PCDHA6: variants seen among roughly 807,000 people sequenced by gnomAD.
PCDHA6 encodes the protein protocadherin alpha 6.
A neutral mutation model predicts 60.3 loss-of-function variants in PCDHA6; 55 were observed. The ratio of observed to expected loss-of-function variants is 0.91; its 90% confidence interval spans 0.73 to 1.14. The LOEUF is 1.14. Among genes scored for constraint, PCDHA6 ranks in the 50% most tolerant of loss-of-function variants. PCDHA6 has a pLI of 0.00. For missense variants in PCDHA6, 1,327 were observed against 1,256.5 expected (o/e 1.06, Z -0.85); for synonymous variants, 652 against 557.9 (o/e 1.17, Z -2.38).
intron 1 of PCDHA6, among the ~76,000 whole-genome samples, chr5:140,963,787 A>G (rs155812): frequency 0.31 from 47,834 of 152,128 alleles, 7,882 homozygotes; most frequent in East Asian, 0.53. Context: ...AACAACAACA[A>G]TAATGTACTT....
chr5:140,877,647 G>A, intron 1 of PCDHA6: 2 of 1,613,510 alleles, frequency 1.2e-6, no homozygotes, highest in South Asian at 1.1e-5. Flanking sequence ...GTTGCTCAGC[G>A]CCGCCCACCG....
intron 1 of PCDHA6, chr5:140,869,456 A>G (rs782269395): frequency 1.9e-6 from 3 of 1,614,072 alleles, no homozygotes; most frequent in Non-Finnish European, 2.5e-6. Flanking sequence ...CAGGTTTTCC[A>G]TGTGAACGTG....
chr5:140,998,433 C>CTA (rs2097813622), intron 3 of PCDHA6, among the ~76,000 whole-genome samples: 2 of 152,160 alleles, frequency 1.3e-5, no homozygotes, highest in Admixed American at 1.3e-4. Flanking sequence ...TCCTTTAACA[C>CTA]TATTATTGTA....
At position 140,852,924 on chromosome 5, in the gene PCDHA6, G is replaced by C. The variant is rs1007993116; in HGVS notation, c.2394+22439G>C. On this transcript the variant is annotated intron_variant, in intron 1 of 3. Coordinates refer to ENST00000529310, the MANE Select transcript of PCDHA6 (RefSeq NM_018909.4). ...GTCAGAGTCTCGCTCTGTTGCCCAG[G>C]CTGGAGTGCAGTGGTGCCATCTTGG... The C allele has an allele frequency of 2.7e-5, 19 of 707,974 alleles. 2 individuals are homozygous for C. Among genetic ancestry groups the C allele is most frequent in the Admixed American group, 2.6e-4 (4 of 15,396 alleles). The allele number at this position is 707,974 out of a possible 1,614,324, so 43.9% of individuals were successfully genotyped here.
rs782684247 is a variant in PCDHA6, at chr5:140,870,024, A to T, written c.2394+39539A>T. The T allele has an allele frequency of 3.1e-6, 5 of 1,613,624 alleles. No individual in the cohort carries two copies. The Admixed American group carries it at 6.7e-5, about 22-fold the overall frequency. On this transcript the variant is annotated intron_variant, in intron 1 of 3. Coordinates refer to ENST00000529310, the MANE Select transcript of PCDHA6 (RefSeq NM_018909.4). The stretch of plus-strand genomic sequence containing the variant: ...GAGAAGTGAGGGTCAATGGAACTTT[A>T]GATTATGAAGAAAACAAGTTTTATA...
At chr5:140,982,589 T>C in intron 3 of PCDHA6, 26 bp downstream of exon 3, 1 of 1,610,940 alleles carries the variant, frequency 6.2e-7, no homozygotes, top group Non-Finnish European at 8.5e-7. Context: ...CTCTCCATTC[T>C]TTCTTGGTTT....
intron 1 of PCDHA6, among the ~76,000 whole-genome samples, chr5:140,961,617 C>T (rs781986571): frequency 2.0e-5 from 3 of 152,086 alleles, no homozygotes; most frequent in Non-Finnish European, 4.4e-5. Context: ...AACTAAAGTG[C>T]CCATATGAAA....
intron 3 of PCDHA6, among the ~76,000 whole-genome samples, chr5:141,003,860 G>T (rs1224171720): frequency 6.6e-6 from 1 of 152,136 alleles, no homozygotes; most frequent in African/African-American, 2.4e-5. Flanking sequence ...ATTTATATGT[G>T]TCTGAAATCC....
At chr5:140,914,930 T>C (rs1474677743) in intron 1 of PCDHA6, among the ~76,000 whole-genome samples, 1 of 150,038 alleles carries the variant, frequency 6.7e-6, no homozygotes, top group Non-Finnish European at 1.5e-5. Flanking sequence ...TTGTACTATG[T>C]TGTGAAAAGT....
At chr5:140,968,410 T>A (rs1554230678) in intron 1 of PCDHA6, 2 of 1,614,040 alleles carry the variant, frequency 1.2e-6, no homozygotes, top group Non-Finnish European at 1.7e-6. Flanking sequence ...TCTTTGTGAC[T>A]GTGGAGGCTC....
At chr5:140,836,199 T>C in intron 1 of PCDHA6, 1 of 1,613,834 alleles carries the variant, frequency 6.2e-7, no homozygotes, top group Admixed American at 1.7e-5. Flanking sequence ...CTACAACGCG[T>C]GGCTTTCGTA....
At chr5:140,980,173 G>GA (rs2096879198) in intron 2 of PCDHA6, among the ~76,000 whole-genome samples, 1 of 152,162 alleles carries the variant, frequency 6.6e-6, no homozygotes, top group Non-Finnish European at 1.5e-5. Flanking sequence ...GGTATCAGAA[G>GA]AAATTCTTTA....
intron 1 of PCDHA6, chr5:140,858,158 G>C: frequency 6.3e-7 from 1 of 1,597,732 alleles, no homozygotes; most frequent in Non-Finnish European, 8.6e-7. Flanking sequence ...CGCCATCTGC[G>C]CGGTGTCCAG....
At chr5:140,901,207 T>C (rs894216497) in intron 1 of PCDHA6, among the ~76,000 whole-genome samples, 1 of 152,206 alleles carries the variant, frequency 6.6e-6, no homozygotes, top group Non-Finnish European at 1.5e-5. Context: ...AGAAGGTTTT[T>C]AAGTTGATGT....
intron 1 of PCDHA6, among the ~76,000 whole-genome samples, chr5:140,934,231 C>T (rs2089713851): frequency 6.6e-6 from 1 of 152,014 alleles, no homozygotes; most frequent in African/African-American, 2.4e-5. Context: ...AAGATTTGTA[C>T]TTAATTGTGG....
intron 3 of PCDHA6, among the ~76,000 whole-genome samples, chr5:140,995,888 T>C (rs1307052037): frequency 3.3e-5 from 5 of 152,216 alleles, no homozygotes; most frequent in Non-Finnish European, 5.9e-5. Flanking sequence ...GCTTCAGATT[T>C]ATCAATGTAT....
rs868965340 is a variant in PCDHA6, at chr5:141,007,276, G to A, written c.2543-2351G>A. On this transcript the variant is annotated intron_variant, in intron 3 of 3. Transcript: ENST00000529310. ...TAAAAGAAGCAGATACAGGCTGGGT[G>A]CAGTGGGCTCATGCCTGTAATCTTA... Among the ~76,000 whole-genome samples the A allele has an allele frequency of 3.3e-5, 5 of 151,858 alleles. No homozygotes were observed. In the South Asian group the frequency reaches 8.3e-4, roughly 25 times the overall value.
At chr5:140,854,583 A>T (rs1554147343) in intron 1 of PCDHA6, 1 of 149,916 alleles carries the variant, frequency 6.7e-6, no homozygotes, top group African/African-American at 2.4e-5. Flanking sequence ...AGATTTTAAT[A>T]AAAAAAGTTT....
At chr5:140,953,911 AG>A (rs1554221121) in intron 1 of PCDHA6, among the ~76,000 whole-genome samples, 1 of 152,120 alleles carries the variant, frequency 6.6e-6, no homozygotes, top group South Asian at 2.1e-4. Flanking sequence ...AGCATCCATT[AG>A]GTATTCTTCC....
Sources: allele counts gnomAD v4.1 joint callset (sites outside exome capture counted in the v4.1 genomes callset), GRCh38; gene constraint gnomAD v4.1.1; transcripts MANE v1.5; gene names NCBI Gene and HGNC (gene_info 2026-07-23, HGNC 2026-07-21).